Variants in KCNQ2 observed in about 807,000 individuals in gnomAD.
The protein encoded by KCNQ2 is potassium voltage-gated channel subfamily Q member 2.
A neutral mutation model predicts 84.8 loss-of-function variants in KCNQ2; 14 were observed. The ratio of observed to expected loss-of-function variants is 0.17; its 90% CI spans 0.11 to 0.26. KCNQ2 has a LOEUF of 0.26. Among genes scored for constraint, KCNQ2 ranks in the 10% least tolerant of loss-of-function variants. The pLI is 1.00. For synonymous variants in KCNQ2, 599 were observed against 554.1 expected (o/e 1.08, Z -1.14); for missense variants, 788 against 1,254.0 (o/e 0.63, Z 5.61).
At position 63,400,789 on chromosome 20, in the gene KCNQ2, G is replaced by A. The variant is rs913524645; in HGVS notation, c.*5855C>T. Reference sequence around the variant, plus strand: ...GACCACCAGCTCTGGGCGCCTCAGTGCGAGACCCCTCCGTGAGACCCCTCC... The same window carrying A: ...GACCACCAGCTCTGGGCGCCTCAGTACGAGACCCCTCCGTGAGACCCCTCC... On this transcript the variant is annotated 3_prime_UTR_variant, in exon 17 of 17. Coordinates refer to ENST00000359125, the MANE Select transcript of KCNQ2 (RefSeq NM_172107.4). The surrounding 1 kb of genome is among the most constrained non-coding windows in gnomAD (Gnocchi z 8.7). 4.3e-5 allele frequency: 17 copies of A among 398,370 alleles called. No individual in the cohort carries two copies. Among genetic ancestry groups the A allele is most frequent in the Non-Finnish European group, 6.6e-5 (15 of 225,966 alleles). The allele number at this position is 398,370 out of a possible 1,614,324, so 24.7% of individuals were successfully genotyped here.
Position 63,400,394 on chromosome 20 carries a change from T to A in KCNQ2, c.*6250A>T. The A allele has an allele frequency of 5.1e-6, 2 of 388,440 alleles. No individual in the cohort carries two copies. Among genetic ancestry groups the A allele is most frequent in the Non-Finnish European group, 9.1e-6 (2 of 220,132 alleles). 24.1% of individuals were successfully genotyped at this position (388,440 alleles called of 1,614,324 possible). On this transcript the variant is annotated 3_prime_UTR_variant, in exon 17 of 17. Transcript: ENST00000359125. The surrounding 1 kb of genome is among the most constrained non-coding windows in gnomAD (Gnocchi z 8.7). ...TCTGGCATCAACCTGTCCGTGTGAG[T>A]AAGTTAATATCTCAGCTAATCTGTT...
intron 7 of KCNQ2, among the ~76,000 whole-genome samples, chr20:63,435,127 C>G (rs185298866): frequency 6.6e-6 from 1 of 152,180 alleles, no homozygotes; most frequent in South Asian, 2.1e-4. Flanking sequence ...CCTGGCCTGG[C>G]GCAGAGGCTC....
intron 3 of KCNQ2, among the ~76,000 whole-genome samples, 191 bp downstream of exon 3, chr20:63,445,046 CT>C (rs1568941086): frequency 6.6e-6 from 1 of 152,206 alleles, no homozygotes; most frequent in Non-Finnish European, 1.5e-5. Flanking sequence ...CGCCACATTC[CT>C]CTTCCTGACA....
At chr20:63,419,105 T>C (rs1002227355) in intron 12 of KCNQ2, among the ~76,000 whole-genome samples, 8 of 151,870 alleles carry the variant, frequency 5.3e-5, no homozygotes, top group African/African-American at 1.9e-4. Context: ...CCCGTCCTAT[T>C]TCCACCTGCC....
At position 63,407,407 on chromosome 20, in the gene KCNQ2, G is replaced by A; in HGVS notation, c.1888-32C>T. 6.3e-7 allele frequency: 1 copy of A among 1,596,186 alleles called. No homozygotes were observed. The highest frequency in any genetic ancestry group is 8.5e-7 in the Non-Finnish European group (1 of 1,178,712). On this transcript the variant is annotated intron_variant, in intron 16 of 16. Coordinates refer to ENST00000359125, the MANE Select transcript of KCNQ2 (RefSeq NM_172107.4). The surrounding 1 kb of genome is among the most constrained non-coding windows in gnomAD (Gnocchi z 7.2). ...AAGGGGCTGCTGGGCTGGGGTGCGA[G>A]GGCCCGTCCCAGGAGATGTGGGGAC...
intron 1 of KCNQ2, among the ~76,000 whole-genome samples, chr20:63,467,883 C>T (rs1053444186): frequency 1.2e-4 from 19 of 152,278 alleles, no homozygotes; most frequent in African/African-American, 4.3e-4. Flanking sequence ...TCTGGAGAGA[C>T]CGCGTCTCTG....
At chr20:63,468,246 G>A (rs908778909) in intron 1 of KCNQ2, among the ~76,000 whole-genome samples, 1 of 152,210 alleles carries the variant, frequency 6.6e-6, no homozygotes, top group Non-Finnish European at 1.5e-5. Flanking sequence ...ACAGGAGGCT[G>A]TGGGAAGAAG....
chr20:63,435,326 T>C (rs2080959704), intron 7 of KCNQ2, among the ~76,000 whole-genome samples: 1 of 149,376 alleles, frequency 6.7e-6, no homozygotes, highest in Non-Finnish European at 1.5e-5. Context: ...AGGTCGAGGC[T>C]GCAGTGAGCC....
At chr20:63,463,008 G>A (rs2081993501) in intron 1 of KCNQ2, among the ~76,000 whole-genome samples, 1 of 152,074 alleles carries the variant, frequency 6.6e-6, no homozygotes, top group Non-Finnish European at 1.5e-5. Context: ...AAATCATACT[G>A]GCTGGACATC....
Position 63,408,247 on chromosome 20 carries a change from T to C in KCNQ2, c.1887+166A>G, listed in dbSNP as rs2080008831. 3.5e-6 allele frequency: 3 copies of C among 867,592 alleles called. No homozygotes were observed. Among genetic ancestry groups the C allele is most frequent in the Admixed American group, 4.5e-5 (2 of 43,994 alleles). The allele number at this position is 867,592 out of a possible 1,614,324, so 53.7% of individuals were successfully genotyped here. ...CGGGGGTGGGAGGCTCACGGTGGGG[T>C]GTGAGGGGTCTGCACAGAGCAGCTG... On this transcript the variant is annotated intron_variant, in intron 16 of 16. Coordinates refer to ENST00000359125, the MANE Select transcript of KCNQ2 (RefSeq NM_172107.4). The surrounding 1 kb of genome is among the most constrained non-coding windows in gnomAD (Gnocchi z 5.0).
chr20:63,415,820 G>A (rs2080280186), intron 12 of KCNQ2, among the ~76,000 whole-genome samples: 1 of 152,036 alleles, frequency 6.6e-6, no homozygotes, highest in African/African-American at 2.4e-5. Context: ...TTTCCCCTGT[G>A]GCCTTTTCAC....
rs1232735547 is a variant in KCNQ2, at chr20:63,428,457, G to A, written c.1149-22C>T. The A allele has an allele frequency of 3.2e-6, 5 of 1,572,652 alleles. No individual in the cohort carries two copies. The African/African-American group carries it at 6.7e-5, about 21-fold the overall frequency. ...AAGTCTGGGGCAAGAGAAGGAGAGGGGAGTGAGCGTCTCACCCTCCCGAGT... is the reference window on the plus strand; with the variant it reads ...AAGTCTGGGGCAAGAGAAGGAGAGGAGAGTGAGCGTCTCACCCTCCCGAGT... On this transcript the variant is annotated intron_variant, in intron 9 of 16. Coordinates refer to ENST00000359125, the MANE Select transcript of KCNQ2 (RefSeq NM_172107.4).
chr20:63,410,266 C>T (rs1252436665), intron 15 of KCNQ2, among the ~76,000 whole-genome samples: 1 of 152,202 alleles, frequency 6.6e-6, no homozygotes, highest in African/African-American at 2.4e-5. Context: ...CCCGCCTGCT[C>T]AGTCCCAATA....
intron 1 of KCNQ2, among the ~76,000 whole-genome samples, chr20:63,467,962 GGA>G (rs2082121014): frequency 6.6e-6 from 1 of 152,188 alleles, no homozygotes; most frequent in Non-Finnish European, 1.5e-5. Context: ...ATGGTCAGGA[GGA>G]GAGTTTCTGC....
At chr20:63,420,118 C>T (rs888724780) in intron 11 of KCNQ2, among the ~76,000 whole-genome samples, 2 of 152,208 alleles carry the variant, frequency 1.3e-5, no homozygotes, top group South Asian at 2.1e-4. Flanking sequence ...GCAAACCAAT[C>T]GGCGACGTTT....
At chr20:63,439,801 G>A in intron 5 of KCNQ2, 93 bp from the exon 6 acceptor site, 1 of 930,500 alleles carries the variant, frequency 1.1e-6, no homozygotes, top group Non-Finnish European at 1.7e-6. Flanking sequence ...CTTGGGATGG[G>A]ACAGATGCGG....
intron 11 of KCNQ2, among the ~76,000 whole-genome samples, chr20:63,420,816 C>T (rs1247777639): frequency 4.1e-5 from 6 of 145,986 alleles, no homozygotes; most frequent in Non-Finnish European, 9.4e-5. Context: ...CTTTTTAGTA[C>T]ACAAGCGACT....
Position 63,446,670 on chromosome 20 carries a change from G to A in KCNQ2, c.387+77C>T. 1.6e-6 allele frequency: 2 copies of A among 1,249,622 alleles called. No individual in the cohort carries two copies. Among genetic ancestry groups the A allele is most frequent in the South Asian group, 2.4e-5 (2 of 83,356 alleles). The allele number at this position is 1,249,622 out of a possible 1,614,324, so 77.4% of individuals were successfully genotyped here. On this transcript the variant is annotated intron_variant, in intron 2 of 16. Coordinates refer to ENST00000359125, the MANE Select transcript of KCNQ2 (RefSeq NM_172107.4). This position sits in a 1 kb window ranked among gnomAD's most constrained non-coding sequence, Gnocchi z 5.5. Reference sequence around the variant, plus strand: ...GGGCGTCAGAGGCCCTGTAGTAACAGGAACGGAAGACAGACGCCCAGGCAG... The same window carrying A: ...GGGCGTCAGAGGCCCTGTAGTAACAAGAACGGAAGACAGACGCCCAGGCAG...
At position 63,438,748 on chromosome 20, in the gene KCNQ2, C is replaced by A; in HGVS notation, c.928-28G>T. On this transcript the variant is annotated intron_variant, in intron 6 of 16. Coordinates refer to ENST00000359125, the MANE Select transcript of KCNQ2 (RefSeq NM_172107.4). This position sits in a 1 kb window ranked among gnomAD's most constrained non-coding sequence, Gnocchi z 5.1. ...GCAATTCATCAGGGTCAGGTCACAC[C>A]CCAGGGACCCCCCACACCCCAATTC... 1 of 1,597,924 alleles carries A rather than the reference C, an allele frequency of 6.3e-7. No homozygotes were observed.
Sources: gnomAD v4.1 joint callset for allele counts (sites outside exome capture counted in the v4.1 genomes callset) on GRCh38, gnomAD v4.1.1 for gene constraint, Gnocchi (gnomAD v3.1) non-coding constraint, MANE v1.5 for transcripts, NCBI Gene and HGNC (gene_info 2026-07-23, HGNC 2026-07-21) for gene names.